MMP26: variants seen among roughly 807,000 people sequenced by gnomAD.
MMP26 encodes matrix metallopeptidase 26.
In MMP26, 33 loss-of-function variants were observed where a neutral mutation model predicts 31.0. The ratio of observed to expected loss-of-function variants is 1.06; its 90% CI spans 0.81 to 1.42. The LOEUF (loss-of-function observed/expected upper bound fraction) is 1.42, where lower values mean the gene tolerates loss of function less well. Ranked by LOEUF, MMP26 falls within the 40% of genes most tolerant of loss-of-function variation. The pLI, the probability that MMP26 is intolerant of heterozygous loss-of-function variation, is 0.00. For synonymous variants in MMP26, 122 were observed against 114.9 expected (o/e 1.06, Z -0.40); for missense variants, 347 against 316.1 (o/e 1.10, Z -0.74).
Position 4,834,703 on chromosome 11 carries a change from T to C in MMP26, c.-145+67362T>C, listed in dbSNP as rs1022215043. Among the ~76,000 whole-genome samples, 3 of 152,204 alleles carry C rather than the reference T, an allele frequency of 2.0e-5. No homozygotes were observed. The East Asian group carries it at 5.8e-4, about 29-fold the overall frequency. On this transcript the variant is annotated intron_variant, in intron 2 of 7. Transcript: ENST00000380390. The stretch of plus-strand genomic sequence containing the variant: ...CTCTGGTTTCAGCTCTGCCATTTCC[T>C]GGCTGTGTGGTATTGAGAAAATTAC...
intron 2 of MMP26, among the ~76,000 whole-genome samples, chr11:4,858,332 G>T (rs573594974): frequency 6.6e-6 from 1 of 152,074 alleles, no homozygotes; most frequent in Non-Finnish European, 1.5e-5. Context: ...AAACCCCATC[G>T]TCTCAGCCCA....
At chr11:4,958,512 C>T (rs1378214192) in intron 2 of MMP26, among the ~76,000 whole-genome samples, 1 of 152,080 alleles carries the variant, frequency 6.6e-6, no homozygotes, top group Non-Finnish European at 1.5e-5. Context: ...TACTCTGCTT[C>T]TCTCTTTTCA....
intron 2 of MMP26, among the ~76,000 whole-genome samples, chr11:4,972,745 C>T (rs999884855): frequency 6.6e-6 from 1 of 152,068 alleles, no homozygotes; most frequent in East Asian, 1.9e-4. Flanking sequence ...AAGAGTGAAA[C>T]CTGGGAATAC....
intron 1 of MMP26, chr11:4,712,531 G>C (rs1291764174): frequency 1.3e-5 from 2 of 152,020 alleles, no homozygotes; most frequent in African/African-American, 2.4e-5. Context: ...ATAAACATAA[G>C]TTATTTAAAT....
chr11:4,949,020 T>C (rs1478521856), intron 2 of MMP26, among the ~76,000 whole-genome samples: 1 of 124,768 alleles, frequency 8.0e-6, no homozygotes, highest in African/African-American at 2.7e-5. Context: ...TGGCTCAATG[T>C]TCATGTGTTC....
intron 2 of MMP26, chr11:4,822,102 C>G: frequency 6.2e-7 from 1 of 1,613,116 alleles, no homozygotes; most frequent in Non-Finnish European, 8.5e-7. Context: ...TTCGATCTGT[C>G]CTCAGCATTG....
chr11:4,927,611 C>T, intron 2 of MMP26, among the ~76,000 whole-genome samples: 1 of 152,094 alleles, frequency 6.6e-6, no homozygotes, highest in Non-Finnish European at 1.5e-5. Context: ...TTTCTATGTG[C>T]TTCTGCTTGC....
chr11:4,951,478 T>C lies in MMP26; in HGVS notation c.-144-36590T>C, dbSNP rs1403993362. Among the ~76,000 whole-genome samples, 2 of 125,194 alleles carry C rather than the reference T, an allele frequency of 1.6e-5. 1 individual carries two copies. Among genetic ancestry groups the C allele is most frequent in the Non-Finnish European group, 3.6e-5 (2 of 55,156 alleles). 82.1% of individuals were successfully genotyped at this position (125,194 alleles called of 152,430 possible). ...ATTATCATTTAGTGATCATTTTTTG[T>C]AAATAATATTTTTGTTATTATTGTT... On this transcript the variant is annotated intron_variant, in intron 2 of 7. Coordinates refer to ENST00000380390, the MANE Select transcript of MMP26 (RefSeq NM_021801.5).
chr11:4,780,230 T>C (rs1848840253), intron 2 of MMP26, among the ~76,000 whole-genome samples: 1 of 152,146 alleles, frequency 6.6e-6, no homozygotes, highest in South Asian at 2.1e-4. Context: ...AATTTCTAGT[T>C]CATAAGGAAT....
intron 2 of MMP26, among the ~76,000 whole-genome samples, chr11:4,963,562 G>A (rs1003655541): frequency 3.9e-5 from 6 of 152,106 alleles, no homozygotes; most frequent in Non-Finnish European, 7.4e-5. Flanking sequence ...CAGAACAGAG[G>A]CCTCAGAAAT....
chr11:4,855,660 C>T (rs975332108), intron 2 of MMP26, among the ~76,000 whole-genome samples: 3 of 152,192 alleles, frequency 2.0e-5, no homozygotes, highest in African/African-American at 7.2e-5. Context: ...AGGATATTAT[C>T]CAGGAGAACT....
At chr11:4,877,777 T>C (rs1589926914) in intron 2 of MMP26, 1 of 152,282 alleles carries the variant, frequency 6.6e-6, no homozygotes, top group Non-Finnish European at 1.5e-5. Flanking sequence ...ACAAATACAA[T>C]GGGTAGTGAT....
chr11:4,828,837 A>T (rs1358616939), intron 2 of MMP26, among the ~76,000 whole-genome samples: 1 of 152,102 alleles, frequency 6.6e-6, no homozygotes, highest in Non-Finnish European at 1.5e-5. Flanking sequence ...CTTCATGGTT[A>T]TTTTGTTCTG....
intron 1 of MMP26, among the ~76,000 whole-genome samples, chr11:4,717,267 T>C (rs2133271159): frequency 6.6e-6 from 1 of 152,322 alleles, no homozygotes; most frequent in South Asian, 2.1e-4. Context: ...GGTGCAATAC[T>C]TGACTTGGCT....
chr11:4,982,071 T>C (rs946478908), intron 2 of MMP26, among the ~76,000 whole-genome samples: 6 of 151,556 alleles, frequency 4.0e-5, no homozygotes, highest in Non-Finnish European at 7.4e-5. Context: ...TGTATGTATA[T>C]ATATATATAC....
chr11:4,861,077 C>G (rs1268979130), intron 2 of MMP26, among the ~76,000 whole-genome samples: 1 of 147,386 alleles, frequency 6.8e-6, no homozygotes, highest in Non-Finnish European at 1.5e-5. Context: ...ATATATATAT[C>G]ATATATACTT....
chr11:4,966,214 C>T (rs1048623222), intron 2 of MMP26, among the ~76,000 whole-genome samples: 6 of 152,082 alleles, frequency 3.9e-5, no homozygotes, highest in African/African-American at 7.2e-5. Flanking sequence ...AGATTAGACT[C>T]AACAAATACA....
intron 5 of MMP26, 102 bp from the exon 6 acceptor site, chr11:4,991,269 A>T: frequency 7.2e-7 from 1 of 1,379,462 alleles, no homozygotes; most frequent in Non-Finnish European, 9.8e-7. Flanking sequence ...CCAGTGGTAG[A>T]CTGTTGCACA....
At chr11:4,968,289 T>A (rs1341967876) in intron 2 of MMP26, among the ~76,000 whole-genome samples, 1 of 152,100 alleles carries the variant, frequency 6.6e-6, no homozygotes, top group Non-Finnish European at 1.5e-5. Context: ...GTTAATTATC[T>A]TTTTTATTTG....
Sources: allele counts gnomAD v4.1 joint callset (sites outside exome capture counted in the v4.1 genomes callset), GRCh38; gene constraint gnomAD v4.1.1; transcripts MANE v1.5; gene names NCBI Gene and HGNC (gene_info 2026-07-23, HGNC 2026-07-21).